ZNF561: variants seen among roughly 807,000 people sequenced by gnomAD.
ZNF561 encodes the protein zinc finger protein 561.
A neutral mutation model predicts 16.7 loss-of-function variants in ZNF561; 16 were observed. That is an observed-to-expected ratio of 0.96 (90% CI 0.65 to 1.45). The LOEUF (loss-of-function observed/expected upper bound fraction) is 1.45, where lower values mean the gene tolerates loss of function less well. Among genes scored for constraint, ZNF561 ranks in the 40% most tolerant of loss-of-function variants. The pLI is 0.00. For synonymous variants in ZNF561, 190 were observed against 192.1 expected, an observed-to-expected ratio of 0.99 and a Z score of 0.09; for missense variants, 580 against 578.0, an observed-to-expected ratio of 1.00 and a Z score of -0.04.
At chr19:9,620,112 CAG>C (rs1473079064) in intron 1 of ZNF561, among the ~76,000 whole-genome samples, 1 of 151,898 alleles carries the variant, frequency 6.6e-6, no homozygotes, top group Non-Finnish European at 1.5e-5. Context: ...TATTTTGAGA[CAG>C]AGTCTCACTC....
rs1233273166 is a variant in ZNF561 at position 9,609,237 on chromosome 19, G to A, written c.*963C>T. On this transcript the variant is annotated 3_prime_UTR_variant, in exon 6 of 6. Transcript: ENST00000302851. ...TCACAGGCTTACTGTCAATAAATAT[G>A]TGGGTCAAACTCTGTTCAAGGCTCT... The A allele has an allele frequency of 6.6e-6, 1 of 152,168 alleles. No homozygotes were observed. The highest frequency in any genetic ancestry group is 1.5e-5 in the Non-Finnish European group (1 of 68,032). The allele number at this position is 152,168 out of a possible 1,614,324, so 9.4% of individuals were successfully genotyped here. A position where few individuals can be genotyped will look rare whatever the true frequency, so the allele number is the denominator to read the frequency against.
At chr19:9,615,785 G>A (rs1218368503) in intron 4 of ZNF561, among the ~76,000 whole-genome samples, 1 of 151,442 alleles carries the variant, frequency 6.6e-6, no homozygotes, top group Admixed American at 6.6e-5. Context: ...ACTGGGCATG[G>A]TAGCAGGTGT....
intron 4 of ZNF561, among the ~76,000 whole-genome samples, chr19:9,615,711 G>T (rs936843327): frequency 6.6e-6 from 1 of 151,600 alleles, no homozygotes; most frequent in Non-Finnish European, 1.5e-5. Flanking sequence ...TTCAAGACCG[G>T]GCTGGCCAAC....
chr19:9,613,970 C>A lies in ZNF561; in HGVS notation c.324+51G>T, dbSNP rs772282982. The A allele has an allele frequency of 1.9e-6, 3 of 1,600,514 alleles. No homozygotes were observed. The Admixed American group carries it at 5.0e-5, about 27-fold the overall frequency. On this transcript the variant is annotated intron_variant, in intron 5 of 5. Transcript: ENST00000302851. ...TGAGCTGATTTTCTAGAATGGAATT[C>A]TCTATCTTTTCTAAGAGAGGAAATT...
At chr19:9,612,950 C>A (rs960065746) in intron 5 of ZNF561, among the ~76,000 whole-genome samples, 2 of 152,124 alleles carry the variant, frequency 1.3e-5, no homozygotes, top group Non-Finnish European at 2.9e-5. Flanking sequence ...TGCATGCCAA[C>A]ACGCCCTGCT....
chr19:9,614,255 T>A (rs1315456001), intron 4 of ZNF561, 152 bp from the exon 5 acceptor site: 1 of 801,582 alleles, frequency 1.2e-6, no homozygotes, highest in South Asian at 1.7e-5. Flanking sequence ...TTGGCTATAA[T>A]GATGTGGGGT....
At chr19:9,612,705 T>C (rs2074483106) in intron 5 of ZNF561, among the ~76,000 whole-genome samples, 1 of 152,210 alleles carries the variant, frequency 6.6e-6, no homozygotes, top group South Asian at 2.1e-4. Flanking sequence ...GACTTCTTGA[T>C]TTCTTCCAGA....
Position 9,619,428 on chromosome 19 carries a change from T to A in ZNF561, c.25+4A>T. ...TCTGAAAAAGAGCATCAACAAAGACTTACCACGGGACAAATAAATGGCTGC... is the reference window on the plus strand; with the variant it reads ...TCTGAAAAAGAGCATCAACAAAGACATACCACGGGACAAATAAATGGCTGC... On this transcript the variant is annotated splice_donor_region_variant and intron_variant, in intron 2 of 5. Transcript: ENST00000302851. The A allele has an allele frequency of 6.2e-7, 1 of 1,613,260 alleles. No homozygotes were observed. The highest frequency in any genetic ancestry group is 8.5e-7 in the Non-Finnish European group (1 of 1,179,500).
chr19:9,620,514 C>T (rs887970551), intron 1 of ZNF561, among the ~76,000 whole-genome samples: 1 of 152,114 alleles, frequency 6.6e-6, no homozygotes, highest in Non-Finnish European at 1.5e-5. Flanking sequence ...GCATAAGCCA[C>T]GATGCCTGGC....
At chr19:9,620,005 T>A (rs2074640297) in intron 1 of ZNF561, among the ~76,000 whole-genome samples, 1 of 152,102 alleles carries the variant, frequency 6.6e-6, no homozygotes, top group South Asian at 2.1e-4. Context: ...CACAACTCTC[T>A]GTAGCCTAGA....
At chr19:9,620,236 TG>T (rs1030330365) in intron 1 of ZNF561, among the ~76,000 whole-genome samples, 41 of 152,286 alleles carry the variant, frequency 2.7e-4, no homozygotes, top group African/African-American at 9.9e-4. Flanking sequence ...ATTTCAGGTA[TG>T]CACTACCATG....
intron 4 of ZNF561, 21 bp downstream of exon 4, chr19:9,617,024 G>C (rs2074566856): frequency 1.9e-6 from 3 of 1,596,990 alleles, no homozygotes; most frequent in Non-Finnish European, 2.6e-6. Context: ...ACCATGCCAA[G>C]CATAGTGATG....
At chr19:9,616,900 T>G (rs1324827149) in intron 4 of ZNF561, 145 bp downstream of exon 4, 1 of 1,179,956 alleles carries the variant, frequency 8.5e-7, no homozygotes, top group African/African-American at 1.6e-5. Context: ...GGCCTAGAAT[T>G]TTTTTTTTAA....
chr19:9,611,959 G>C (rs2074466633), intron 5 of ZNF561, among the ~76,000 whole-genome samples: 1 of 152,188 alleles, frequency 6.6e-6, no homozygotes, highest in African/African-American at 2.4e-5. Context: ...ACAGAGTCTT[G>C]CTCTGTAGCC....
rs377482897 is a variant in ZNF561, at chr19:9,611,232, C to A, written c.429G>T (p.Gly143=). 1.1e-5 allele frequency: 18 copies of A among 1,613,922 alleles called. No homozygotes were observed. Among genetic ancestry groups the A allele is most frequent in the Non-Finnish European group, 1.4e-5 (17 of 1,179,886 alleles). Reference sequence around the variant, plus strand: ...CATAACAATTACCCTCAGAAGTATTCCCTCCATTCTGAACTCTCATGTGTG... The same window carrying A: ...CATAACAATTACCCTCAGAAGTATTACCTCCATTCTGAACTCTCATGTGTG... ...LKTHMRVQNG[G]NTSEGNCYGK... The change falls in exon 6 of 6, where the codon GGG becomes GGT. Residue 143 remains glycine (G), a synonymous_variant. Transcript: ENST00000302851.
chr19:9,613,621 C>T (rs546783035), intron 5 of ZNF561, among the ~76,000 whole-genome samples: 2 of 151,948 alleles, frequency 1.3e-5, no homozygotes, highest in Non-Finnish European at 2.9e-5. Context: ...GTGTTCATGC[C>T]ATTCTCCTGT....
chr19:9,619,853 C>T (rs28642138), intron 1 of ZNF561, among the ~76,000 whole-genome samples: 1 of 146,524 alleles, frequency 6.8e-6, no homozygotes, highest in African/African-American at 2.7e-5. Flanking sequence ...CTATCTATAT[C>T]TATCTATATT....
In ZNF561 at chr19:9,610,835, T is replaced by C. The variant is rs780357234; in HGVS notation, c.826A>G (p.Lys276Glu). 1.4e-4 allele frequency: 221 copies of C among 1,614,046 alleles called. No individual in the cohort carries two copies. The highest frequency in any genetic ancestry group is 1.8e-4 in the Non-Finnish European group (208 of 1,180,034). The stretch of plus-strand genomic sequence containing the variant: ...TTACATTCAAAGGACTTCTCTCCTT[T>C]ATGAGTTTTCACAGGTGCATAAAGT... ...SQLYAPVKTHKGEKSFECKEC... is the reference protein window; with the variant it reads ...SQLYAPVKTHEGEKSFECKEC... Residue 276 changes from lysine (K) to glutamate (E), a missense_variant, in exon 6 of 6, where the codon AAA becomes GAA. Physicochemically the swap from Lys to Glu is moderately conservative, Grantham distance 56. Transcript: ENST00000302851.
At chr19:9,621,119 C>T (rs975061253) in intron 1 of ZNF561, 43 bp downstream of exon 1, 2 of 152,818 alleles carry the variant, frequency 1.3e-5, no homozygotes, top group Admixed American at 6.5e-5. Flanking sequence ...ATTCCTTTGC[C>T]GCCCCCTGCT....
Sources: allele counts gnomAD v4.1 joint callset (sites outside exome capture counted in the v4.1 genomes callset), GRCh38; gene constraint gnomAD v4.1.1; transcripts MANE v1.5; gene names NCBI Gene and HGNC (gene_info 2026-07-23, HGNC 2026-07-21).